LRMDA: variants seen among roughly 807,000 people sequenced by gnomAD.
The protein encoded by LRMDA is leucine-rich melanocyte differentiation-associated protein.
LRMDA carries 18 observed loss-of-function variants against 29.8 expected under a neutral mutation model. That is an observed-to-expected ratio of 0.60 (90% confidence interval 0.42 to 0.90). The LOEUF is 0.90. LRMDA is among the 40% of genes least tolerant of loss of function. The probability of loss-of-function intolerance (pLI) is 0.00; values close to 1 mark genes in which losing one functional copy is unlikely to be tolerated. For missense variants in LRMDA, 273 were observed against 273.9 expected, an observed-to-expected ratio of 1.00 and a Z score of 0.02; for synonymous variants, 125 against 109.4, an observed-to-expected ratio of 1.14 and a Z score of -0.89.
At chr10:76,067,336 C>T (rs147295451) in intron 5 of LRMDA, among the ~76,000 whole-genome samples, 5 of 152,126 alleles carry the variant, frequency 3.3e-5, no homozygotes, top group Admixed American at 2.0e-4. Flanking sequence ...CTTTAGTCTG[C>T]ACATTATCAG....
intron 5 of LRMDA, among the ~76,000 whole-genome samples, chr10:76,062,464 G>A (rs61862704): frequency 0.038 from 5,758 of 152,158 alleles, 152 homozygotes; most frequent in East Asian, 0.088. Context: ...CCTGGCAGGC[G>A]CTGGCGCTTG....
chr10:76,297,532 T>C (rs1334092632), intron 5 of LRMDA, among the ~76,000 whole-genome samples: 1 of 152,192 alleles, frequency 6.6e-6, no homozygotes, highest in Admixed American at 6.5e-5. Flanking sequence ...TAGAACAAGC[T>C]TGGAGTTGTT....
Position 75,695,766 on chromosome 10 carries a change from T to A in LRMDA, c.131+257272T>A, listed in dbSNP as rs139893425. 3.2e-3 allele frequency among the ~76,000 whole-genome samples: 485 copies of A among 152,230 alleles called. 3 individuals carry two copies. Among genetic ancestry groups the A allele is most frequent in the African/African-American group, 0.011 (454 of 41,542 alleles). The stretch of plus-strand genomic sequence containing the variant: ...TCTGTCATATTCTTCTGTGGCCTGA[T>A]TTTTTTTCCTCTTAAGAGTCTGCTG... On this transcript the variant is annotated intron_variant, in intron 2 of 6. Transcript: ENST00000611255.
At chr10:75,639,008 TC>T (rs1381951497) in intron 2 of LRMDA, among the ~76,000 whole-genome samples, 3 of 152,170 alleles carry the variant, frequency 2.0e-5, no homozygotes, top group African/African-American at 7.2e-5. Flanking sequence ...TTTAGTAAAC[TC>T]CAGCAATAAT....
intron 5 of LRMDA, among the ~76,000 whole-genome samples, chr10:76,234,409 C>G (rs1852114035): frequency 6.6e-6 from 1 of 152,092 alleles, no homozygotes. Flanking sequence ...CTTAAGGGCC[C>G]TAGAATTTTT....
intron 5 of LRMDA, among the ~76,000 whole-genome samples, chr10:76,204,009 T>C (rs1286723007): frequency 7.2e-6 from 1 of 139,544 alleles, no homozygotes; most frequent in Non-Finnish European, 1.5e-5. Flanking sequence ...CATCCACCCA[T>C]CTCTATTTCA....
chr10:76,492,989 T>C (rs1842848598), intron 6 of LRMDA, among the ~76,000 whole-genome samples: 1 of 152,010 alleles, frequency 6.6e-6, no homozygotes, highest in Non-Finnish European at 1.5e-5. Flanking sequence ...AGCACAGCAC[T>C]GAGTCTCACC....
At chr10:76,367,647 C>T (rs1841406763) in intron 6 of LRMDA, among the ~76,000 whole-genome samples, 1 of 152,066 alleles carries the variant, frequency 6.6e-6, no homozygotes, top group African/African-American at 2.4e-5. Flanking sequence ...TGGTCTTGAA[C>T]TCCAGACCTC....
At chr10:75,751,972 A>G (rs1842974511) in intron 2 of LRMDA, among the ~76,000 whole-genome samples, 1 of 151,948 alleles carries the variant, frequency 6.6e-6, no homozygotes, top group African/African-American at 2.4e-5. Context: ...TTTAGTTTAA[A>G]TCTAGGGGAA....
chr10:76,448,701 T>TA (rs1191957938), intron 6 of LRMDA, among the ~76,000 whole-genome samples: 3 of 152,138 alleles, frequency 2.0e-5, no homozygotes, highest in Non-Finnish European at 4.4e-5. Context: ...GAGAACCTGT[T>TA]TTAATATTTT....
At chr10:75,651,119 T>G (rs1352178434) in intron 2 of LRMDA, among the ~76,000 whole-genome samples, 3 of 152,238 alleles carry the variant, frequency 2.0e-5, no homozygotes, top group Non-Finnish European at 4.4e-5. Context: ...CTTCCTTCTT[T>G]CTTGCCTTGT....
rs144688486 is a variant in LRMDA, at chr10:76,127,238, A to G, written c.516+68455A>G. ...TATGTTGTCTCATTATTTAAATACC[A>G]TCTCAAAAAATGCATATATGTGCGC... On this transcript the variant is annotated intron_variant, in intron 5 of 6. Transcript: ENST00000611255. Among the ~76,000 whole-genome samples, 11 of 152,290 alleles carry G rather than the reference A, an allele frequency of 7.2e-5. No homozygotes were observed. The East Asian group carries it at 2.1e-3, about 29-fold the overall frequency.
At chr10:75,572,520 C>T (rs1458325331) in intron 2 of LRMDA, among the ~76,000 whole-genome samples, 1 of 152,088 alleles carries the variant, frequency 6.6e-6, no homozygotes, top group Non-Finnish European at 1.5e-5. Context: ...TTTATTGCTT[C>T]CTCTATTCAC....
At chr10:75,848,237 C>A (rs899021147) in intron 2 of LRMDA, among the ~76,000 whole-genome samples, 6 of 152,146 alleles carry the variant, frequency 3.9e-5, no homozygotes, top group Admixed American at 3.9e-4. Flanking sequence ...AGAAGGAAAT[C>A]CCTGTCACAT....
intron 2 of LRMDA, among the ~76,000 whole-genome samples, chr10:75,911,797 C>G (rs1845847102): frequency 6.6e-6 from 1 of 152,228 alleles, no homozygotes; most frequent in Admixed American, 6.5e-5. Flanking sequence ...TTTGTGAGCA[C>G]TTCCTGAGTG....
chr10:75,501,656 C>T (rs1186137003), intron 2 of LRMDA, among the ~76,000 whole-genome samples: 1 of 152,084 alleles, frequency 6.6e-6, no homozygotes, highest in African/African-American at 2.4e-5. Context: ...AACCAGAGTC[C>T]AGAATAATCA....
intron 2 of LRMDA, among the ~76,000 whole-genome samples, chr10:75,694,726 C>T (rs1442667150): frequency 3.3e-5 from 5 of 152,044 alleles, no homozygotes; most frequent in South Asian, 2.1e-4. Context: ...AGCAGTGTGG[C>T]GTTTTCTGAA....
At chr10:75,975,724 T>A (rs1847058196) in intron 2 of LRMDA, among the ~76,000 whole-genome samples, 2 of 152,216 alleles carry the variant, frequency 1.3e-5, no homozygotes, top group South Asian at 4.1e-4. Flanking sequence ...TCTAAAGTTC[T>A]TTTAGAATAG....
chr10:76,238,510 C>T (rs1406177189), intron 5 of LRMDA, among the ~76,000 whole-genome samples: 1 of 140,210 alleles, frequency 7.1e-6, no homozygotes, highest in African/African-American at 2.6e-5. Context: ...GGGGTCTTCT[C>T]CTCAGGTGTC....
Sources: gnomAD v4.1 joint callset for allele counts (sites outside exome capture counted in the v4.1 genomes callset) on GRCh38, gnomAD v4.1.1 for gene constraint, MANE v1.5 for transcripts, NCBI Gene and HGNC (gene_info 2026-07-23, HGNC 2026-07-21) for gene names.